Variants in GFM1 observed in about 807,000 individuals in gnomAD.
GFM1 encodes elongation factor G, mitochondrial.
Under a neutral mutation model 96.2 loss-of-function variants are expected in GFM1, and 62 were observed. That is an observed-to-expected ratio of 0.64 (90% CI 0.53 to 0.80). GFM1 has a LOEUF of 0.80. GFM1 is among the 30% of genes least tolerant of loss of function. The probability of loss-of-function intolerance (pLI) is 0.00; values close to 1 mark genes in which losing one functional copy is unlikely to be tolerated. For missense variants in GFM1, 852 were observed against 916.6 expected (o/e 0.93, Z 0.91); for synonymous variants, 282 against 312.9 (o/e 0.90, Z 1.04).
At position 158,693,073 on chromosome 3, in the gene GFM1, A is replaced by G. The variant is rs1726424128; in HGVS notation, c.*1606A>G. 6.6e-6 allele frequency: 1 copy of G among 152,200 alleles called. No individual in the cohort carries two copies. Among genetic ancestry groups the G allele is most frequent in the African/African-American group, 2.4e-5 (1 of 41,452 alleles). The allele number at this position is 152,200 out of a possible 1,614,324, so 9.4% of individuals were successfully genotyped here. On this transcript the variant is annotated 3_prime_UTR_variant, in exon 18 of 18. Coordinates refer to ENST00000486715, the MANE Select transcript of GFM1 (RefSeq NM_024996.7). ...ACTATTATTATGTCCATTTTGTAAT[A>G]GAAGAAGCACAGATAAGGTAAATAA...
intron 13 of GFM1, among the ~76,000 whole-genome samples, chr3:158,680,358 T>C (rs1053709482): frequency 1.3e-5 from 2 of 152,190 alleles, no homozygotes; most frequent in Non-Finnish European, 1.5e-5. Context: ...TTTGCCAAAA[T>C]GAAATTGTCT....
At chr3:158,673,126 A>G (rs891164163) in intron 13 of GFM1, among the ~76,000 whole-genome samples, 4 of 152,182 alleles carry the variant, frequency 2.6e-5, no homozygotes, top group Admixed American at 2.0e-4. Flanking sequence ...GCCCAAATCA[A>G]AGTATGAGAA....
rs1726410794 is a variant in GFM1 at position 158,692,730 on chromosome 3, C to A, written c.*1263C>A. Among the ~76,000 whole-genome samples, 1 of 151,468 alleles carries A rather than the reference C, an allele frequency of 6.6e-6. No individual in the cohort carries two copies. Among genetic ancestry groups the A allele is most frequent in the Non-Finnish European group, 1.5e-5 (1 of 67,930 alleles). On this transcript the variant is annotated 3_prime_UTR_variant, in exon 18 of 18. Coordinates refer to ENST00000486715, the MANE Select transcript of GFM1 (RefSeq NM_024996.7). ...TTTTTGTGGTAGGGTCTCACTCTATCCCCCAGGCTGGAATGCAGAGGGACT... is the reference window on the plus strand; with the variant it reads ...TTTTTGTGGTAGGGTCTCACTCTATACCCCAGGCTGGAATGCAGAGGGACT...
rs575722633 is a variant in GFM1, at chr3:158,658,508, T to A, written c.1084-414T>A. ...AATTTTCCACGTGATTGTCAGAGAT[T>A]GTGTTTTAGATGTATAGCACACACC... is the stretch of plus-strand genomic sequence containing the variant. On this transcript the variant is annotated intron_variant, in intron 8 of 17. Transcript: ENST00000486715. Among the ~76,000 whole-genome samples the A allele has an allele frequency of 1.9e-3, 282 of 152,336 alleles. 1 individual carries two copies. The highest frequency in any genetic ancestry group is 3.6e-3 in the Non-Finnish European group (244 of 68,034).
At position 158,646,416 on chromosome 3, in the gene GFM1, C is replaced by T. The variant is rs1721807884; in HGVS notation, c.367+119C>T. The T allele has an allele frequency of 1.5e-5, 16 of 1,082,246 alleles. No homozygotes were observed. The South Asian group carries it at 2.1e-4, about 14-fold the overall frequency. The allele number at this position is 1,082,246 out of a possible 1,614,324, so 67.0% of individuals were successfully genotyped here. A position where few individuals can be genotyped will look rare whatever the true frequency, so the allele number is the denominator to read the frequency against. On this transcript the variant is annotated intron_variant, in intron 3 of 17. Coordinates refer to ENST00000486715, the MANE Select transcript of GFM1 (RefSeq NM_024996.7). ...ATACTCAAAAGTGTAACACTGAATT[C>T]CTATTAAAGAAGACTAACTTAGGAC...
chr3:158,646,065 G>A lies in GFM1; in HGVS notation c.235-100G>A, dbSNP rs1442616931. The A allele has an allele frequency of 2.1e-6, 3 of 1,421,900 alleles. No individual in the cohort carries two copies. In the South Asian group the frequency reaches 3.5e-5, roughly 17 times the overall value. The allele number at this position is 1,421,900 out of a possible 1,614,324, so 88.1% of individuals were successfully genotyped here. A position where few individuals can be genotyped will look rare whatever the true frequency, so the allele number is the denominator to read the frequency against. ...CCCACAGTGCTGGGATTATAGGCAT[G>A]AGCCACTGCACCTGGCAACTGTTTC... On this transcript the variant is annotated intron_variant, in intron 2 of 17. Transcript: ENST00000486715.
intron 13 of GFM1, among the ~76,000 whole-genome samples, chr3:158,681,532 T>C (rs889799371): frequency 6.6e-6 from 1 of 152,174 alleles, no homozygotes; most frequent in Non-Finnish European, 1.5e-5. Flanking sequence ...TTTTCTTGTA[T>C]TGCCTGAGTC....
At chr3:158,674,232 C>G (rs947923256) in intron 13 of GFM1, among the ~76,000 whole-genome samples, 3 of 151,956 alleles carry the variant, frequency 2.0e-5, no homozygotes, top group Admixed American at 1.3e-4. Context: ...AGGTGCACTT[C>G]ACCACACCTG....
Position 158,646,927 on chromosome 3 carries a change from C to G in GFM1, c.552C>G (p.Ala184=), listed in dbSNP as rs1364753577. 4 of 1,614,008 alleles carry G rather than the reference C, an allele frequency of 2.5e-6. No individual in the cohort carries two copies. In the Admixed American group the frequency reaches 5.0e-5, roughly 20 times the overall value. The change falls in exon 4 of 18, where the codon GCC becomes GCG. Residue 184 remains alanine, a synonymous_variant. Transcript: ENST00000486715. The part of the protein sequence containing the change: ...NKLDRMGSNP[A]RALQQMRSKL... ...TGGACCGAATGGGCTCCAACCCAGC[C>G]AGGGCCCTGCAGCAAATGAGGTAAT...
intron 8 of GFM1, chr3:158,657,176 C>T (rs1722832255): frequency 6.6e-6 from 1 of 151,932 alleles, no homozygotes; most frequent in South Asian, 2.1e-4. Flanking sequence ...AAATATTTTA[C>T]AGTATATTTA....
intron 15 of GFM1, among the ~76,000 whole-genome samples, chr3:158,688,468 A>G (rs1056329778): frequency 6.6e-6 from 1 of 152,166 alleles, no homozygotes; most frequent in Admixed American, 6.6e-5. Flanking sequence ...GACACCATAT[A>G]CTTGCCTCTT....
At chr3:158,682,278 TTC>T in intron 14 of GFM1, 121 bp downstream of exon 14, 1 of 807,680 alleles carries the variant, frequency 1.2e-6, no homozygotes, top group South Asian at 1.5e-5. Context: ...ACAGTCCTGT[TTC>T]TCTGATTGTT....
In GFM1 at chr3:158,646,210, C is replaced by G. The variant is rs531728845; in HGVS notation, c.280C>G (p.Leu94Val). ...GVGAVMDSME[L>V]ERQRGITIQS... ...TGGTGCTGTCATGGATTCCATGGAA[C>G]TAGAGAGACAAAGAGGAATCACTAT... Residue 94 changes from leucine (L) to valine (V), a missense_variant, in exon 3 of 18, where the codon CTA (leucine) becomes GTA (valine). Leu to Val is a conservative substitution (Grantham distance 32, BLOSUM62 1). Coordinates refer to ENST00000486715, the MANE Select transcript of GFM1 (RefSeq NM_024996.7). 1 of 1,613,792 alleles carries G rather than the reference C, an allele frequency of 6.2e-7. No individual in the cohort carries two copies. Among genetic ancestry groups the G allele is most frequent in the Non-Finnish European group, 8.5e-7 (1 of 1,179,696 alleles).
At chr3:158,667,259 C>G (rs920169770) in intron 13 of GFM1, among the ~76,000 whole-genome samples, 1 of 152,130 alleles carries the variant, frequency 6.6e-6, no homozygotes, top group Non-Finnish European at 1.5e-5. Flanking sequence ...ATAAAGTGTT[C>G]TTTCAAGATG....
At position 158,662,765 on chromosome 3, in the gene GFM1, T is replaced by G. The variant is rs747555629; in HGVS notation, c.1380+81T>G. 265 of 845,888 alleles carry G rather than the reference T, an allele frequency of 3.1e-4. 2 individuals carry two copies. Among genetic ancestry groups the G allele is most frequent in the Middle Eastern group, 1.7e-3 (6 of 3,542 alleles). 52.4% of individuals were successfully genotyped at this position (845,888 alleles called of 1,614,324 possible). ...ATCTATCTCTACAATGCACTTGATA[T>G]CTTGTAATAACCAGCAGTCTTATGG... On this transcript the variant is annotated intron_variant, in intron 11 of 17. Transcript: ENST00000486715.
At chr3:158,672,208 C>A in intron 13 of GFM1, 1 of 1,021,928 alleles carries the variant, frequency 9.8e-7, no homozygotes, top group Non-Finnish European at 1.4e-6. Context: ...TATCTCAAGA[C>A]CAGATACCAG....
intron 10 of GFM1, among the ~76,000 whole-genome samples, chr3:158,662,229 G>T (rs1723253535): frequency 6.6e-6 from 1 of 152,024 alleles, no homozygotes; most frequent in Admixed American, 6.6e-5. Context: ...GAAGAATTTG[G>T]TGCCCTTTCT....
chr3:158,649,315 C>T, intron 5 of GFM1, 158 bp downstream of exon 5: 1 of 528,812 alleles, frequency 1.9e-6, no homozygotes, highest in Non-Finnish European at 3.4e-6. Context: ...ATCCTAGTCG[C>T]TCCCCATTTT....
At chr3:158,674,816 A>C (rs536523346) in intron 13 of GFM1, among the ~76,000 whole-genome samples, 1 of 152,332 alleles carries the variant, frequency 6.6e-6, no homozygotes, top group South Asian at 2.1e-4. Flanking sequence ...CTTTCATTAA[A>C]AATTTGAAAG....
Sources: gnomAD v4.1 joint callset for allele counts (sites outside exome capture counted in the v4.1 genomes callset) on GRCh38, gnomAD v4.1.1 for gene constraint, MANE v1.5 for transcripts, NCBI Gene and HGNC (gene_info 2026-07-23, HGNC 2026-07-21) for gene names.